Variants in ZMAT4 observed in about 807,000 individuals in gnomAD.
ZMAT4 encodes zinc finger matrin-type protein 4.
Under a neutral mutation model 28.7 loss-of-function variants are expected in ZMAT4, and 17 were observed. The observed-to-expected ratio is 0.59, with a 90% CI of 0.41 to 0.89. The LOEUF (loss-of-function observed/expected upper bound fraction) is 0.89, where lower values mean the gene tolerates loss of function less well. ZMAT4 is among the 40% of genes least tolerant of loss of function. The probability of loss-of-function intolerance (pLI) is 0.00; values close to 1 mark genes in which losing one functional copy is unlikely to be tolerated. For missense variants in ZMAT4, 240 were observed against 283.8 expected (o/e 0.85, Z 1.11); for synonymous variants, 117 against 109.2 (o/e 1.07, Z -0.44).
chr8:40,598,209 C>T (rs1805166905), intron 5 of ZMAT4, among the ~76,000 whole-genome samples: 1 of 152,058 alleles, frequency 6.6e-6, no homozygotes, highest in Admixed American at 6.6e-5. Flanking sequence ...TGTTTGTTTG[C>T]TTTTTACTTT....
At chr8:40,722,540 C>G (rs994221262) in intron 3 of ZMAT4, among the ~76,000 whole-genome samples, 2 of 152,014 alleles carry the variant, frequency 1.3e-5, no homozygotes, top group East Asian at 1.9e-4. Flanking sequence ...TACAAAGAGC[C>G]CTAAGTGTGT....
chr8:40,895,984 A>G lies in ZMAT4; in HGVS notation c.-5+1699T>C, dbSNP rs763655391. Among the ~76,000 whole-genome samples, 2 of 152,182 alleles carry G rather than the reference A, an allele frequency of 1.3e-5. 1 individual carries two copies. The highest frequency in any genetic ancestry group is 2.9e-5 in the Non-Finnish European group (2 of 68,040). ...CAGGCCCCCCAAACACAAAAAGATT[A>G]TAATTGGCAGGGCTGCAAAATTGTT... On this transcript the variant is annotated intron_variant, in intron 1 of 6. Transcript: ENST00000297737.
chr8:40,566,727 CTT>C (rs1269023780), intron 6 of ZMAT4, among the ~76,000 whole-genome samples: 1 of 152,060 alleles, frequency 6.6e-6, no homozygotes, highest in East Asian at 1.9e-4. Flanking sequence ...AAATGAGAAA[CTT>C]TAACATACCC....
chr8:40,810,985 T>C (rs1447101745), intron 2 of ZMAT4, among the ~76,000 whole-genome samples: 1 of 152,152 alleles, frequency 6.6e-6, no homozygotes, highest in Non-Finnish European at 1.5e-5. Flanking sequence ...TATCAAATAT[T>C]GACTAGATTA....
intron 2 of ZMAT4, among the ~76,000 whole-genome samples, chr8:40,823,468 C>T (rs1483937758): frequency 1.3e-5 from 2 of 152,140 alleles, no homozygotes; most frequent in Admixed American, 6.5e-5. Context: ...ACCATCCTGG[C>T]TAACACGGTA....
At chr8:40,610,937 ATTT>A (rs56980207) in intron 5 of ZMAT4, among the ~76,000 whole-genome samples, 42,205 of 146,480 alleles carry the variant, frequency 0.29, 8,227 homozygotes, top group East Asian at 0.72. Flanking sequence ...GCCCTTTTGC[ATTT>A]TTTTTTTTTT....
chr8:40,569,405 TATAG>T (rs931106318), intron 6 of ZMAT4, among the ~76,000 whole-genome samples: 50 of 152,212 alleles, frequency 3.3e-4, no homozygotes, highest in African/African-American at 1.0e-3. Context: ...CAACGTCAGC[TATAG>T]ATAGTTTACA....
chr8:40,758,289 T>C (rs1812777281), intron 3 of ZMAT4, among the ~76,000 whole-genome samples: 1 of 152,222 alleles, frequency 6.6e-6, no homozygotes, highest in South Asian at 2.1e-4. Flanking sequence ...TCCCTTTCTC[T>C]TCTTGTCATG....
intron 1 of ZMAT4, among the ~76,000 whole-genome samples, chr8:40,836,058 C>A (rs1056927528): frequency 6.6e-6 from 1 of 152,202 alleles, no homozygotes; most frequent in Non-Finnish European, 1.5e-5. Flanking sequence ...ACAGCAGCCT[C>A]CCCCGTCCAT....
chr8:40,616,655 A>G (rs1016246203), intron 5 of ZMAT4, among the ~76,000 whole-genome samples: 1 of 152,042 alleles, frequency 6.6e-6, no homozygotes, highest in Admixed American at 6.6e-5. Context: ...CAAACACTGC[A>G]TGTTCTCACT....
chr8:40,884,175 C>A (rs1313597215), intron 1 of ZMAT4, among the ~76,000 whole-genome samples: 1 of 151,716 alleles, frequency 6.6e-6, no homozygotes, highest in Non-Finnish European at 1.5e-5. Context: ...CCAAGAGGGT[C>A]CCCCACCCCG....
intron 1 of ZMAT4, among the ~76,000 whole-genome samples, chr8:40,843,572 G>T (rs1185109737): frequency 6.6e-6 from 1 of 152,200 alleles, no homozygotes; most frequent in Non-Finnish European, 1.5e-5. Flanking sequence ...TAAAGCAGCA[G>T]CAGCAAGCCC....
At chr8:40,718,543 G>A (rs142938464) in intron 3 of ZMAT4, among the ~76,000 whole-genome samples, 2 of 152,186 alleles carry the variant, frequency 1.3e-5, no homozygotes, top group Non-Finnish European at 2.9e-5. Context: ...AAAGGCAACA[G>A]TAGAAAGAAA....
At chr8:40,619,574 G>A (rs4737154) in intron 5 of ZMAT4, among the ~76,000 whole-genome samples, 2,634 of 152,234 alleles carry the variant, frequency 0.017, 55 homozygotes, top group Admixed American at 0.069. Flanking sequence ...AGAGAGCAGC[G>A]GCAGAACCTG....
chr8:40,594,180 G>T (rs1342452115), intron 5 of ZMAT4, among the ~76,000 whole-genome samples: 1 of 152,114 alleles, frequency 6.6e-6, no homozygotes, highest in African/African-American at 2.4e-5. Context: ...CCACTTTCAT[G>T]GAAGATTTTC....
intron 5 of ZMAT4, among the ~76,000 whole-genome samples, chr8:40,648,116 A>G (rs1388344324): frequency 2.0e-5 from 3 of 152,228 alleles, no homozygotes; most frequent in Admixed American, 6.5e-5. Flanking sequence ...TCAGACGATC[A>G]AATTACTCTG....
At chr8:40,580,807 G>A (rs1804440283) in intron 6 of ZMAT4, among the ~76,000 whole-genome samples, 1 of 152,140 alleles carries the variant, frequency 6.6e-6, no homozygotes, top group Non-Finnish European at 1.5e-5. Context: ...TATTCATCCA[G>A]AAAGGGAAAG....
At chr8:40,777,091 C>T (rs1813629270) in intron 2 of ZMAT4, among the ~76,000 whole-genome samples, 1 of 151,966 alleles carries the variant, frequency 6.6e-6, no homozygotes, top group African/African-American at 2.4e-5. Flanking sequence ...TTGATTTTGA[C>T]ATAAAACAGA....
intron 2 of ZMAT4, among the ~76,000 whole-genome samples, chr8:40,782,677 G>T (rs1239960112): frequency 6.6e-6 from 1 of 152,148 alleles, no homozygotes; most frequent in Non-Finnish European, 1.5e-5. Flanking sequence ...CATGGAACTG[G>T]ACTTGATTCC....
Sources: allele counts gnomAD v4.1 joint callset (sites outside exome capture counted in the v4.1 genomes callset), GRCh38; gene constraint gnomAD v4.1.1; transcripts MANE v1.5; gene names NCBI Gene and HGNC (gene_info 2026-07-23, HGNC 2026-07-21).